Variants in TRIM9 observed in about 807,000 individuals in gnomAD.
TRIM9 encodes E3 ubiquitin-protein ligase TRIM9.
In TRIM9, 26 loss-of-function variants were observed where a neutral mutation model predicts 78.3. That is an observed-to-expected ratio of 0.33 (90% CI 0.24 to 0.46). TRIM9 has a LOEUF of 0.46. Ranked by LOEUF, TRIM9 falls within the 20% of genes least tolerant of loss-of-function variation. TRIM9 has a pLI of 1.00. For synonymous variants in TRIM9, 398 were observed against 416.5 expected, an observed-to-expected ratio of 0.96 and a Z score of 0.54; for missense variants, 787 against 1,036.4, an observed-to-expected ratio of 0.76 and a Z score of 3.30.
intron 1 of TRIM9, among the ~76,000 whole-genome samples, chr14:51,065,886 A>G (rs2061689070): frequency 6.6e-6 from 1 of 152,038 alleles, no homozygotes; most frequent in Non-Finnish European, 1.5e-5. Flanking sequence ...TACACAACTG[A>G]AATGATTCAA....
At chr14:51,036,170 T>A (rs1224974419) in intron 1 of TRIM9, among the ~76,000 whole-genome samples, 1 of 152,208 alleles carries the variant, frequency 6.6e-6, no homozygotes, top group Non-Finnish European at 1.5e-5. Context: ...AAACCTGCCA[T>A]GTTGATGAGC....
chr14:51,036,664 G>T (rs1342774395), intron 1 of TRIM9, among the ~76,000 whole-genome samples: 1 of 152,112 alleles, frequency 6.6e-6, no homozygotes, highest in Non-Finnish European at 1.5e-5. Context: ...ATCAGTACAG[G>T]CTCAATTATT....
chr14:51,003,428 C>T (rs1433951705), intron 5 of TRIM9, among the ~76,000 whole-genome samples: 1 of 152,094 alleles, frequency 6.6e-6, no homozygotes, highest in African/African-American at 2.4e-5. Flanking sequence ...GGTAAGTCTA[C>T]ATTTCATCAA....
At chr14:50,984,047 G>A (rs1350836980) in intron 8 of TRIM9, among the ~76,000 whole-genome samples, 1 of 152,144 alleles carries the variant, frequency 6.6e-6, no homozygotes, top group Non-Finnish European at 1.5e-5. Context: ...AGATACATTG[G>A]AATCCCCTGT....
At chr14:50,985,867 G>T in intron 8 of TRIM9, 89 bp downstream of exon 8, 1 of 1,184,736 alleles carries the variant, frequency 8.4e-7, no homozygotes, top group Non-Finnish European at 1.1e-6. Flanking sequence ...CCCTCACCAC[G>T]CACATGAATG....
At chr14:50,989,264 G>A (rs967359685) in intron 7 of TRIM9, among the ~76,000 whole-genome samples, 25 of 152,144 alleles carry the variant, frequency 1.6e-4, no homozygotes, top group African/African-American at 6.0e-4. Flanking sequence ...GCCACTCCCT[G>A]GTTTAGCCGA....
Position 50,975,432 on chromosome 14 carries a change from A to G in TRIM9, c.*1859T>C, listed in dbSNP as rs1208710960. 6.5e-6 allele frequency: 1 copy of G among 152,680 alleles called. No individual in the cohort carries two copies. Among genetic ancestry groups the G allele is most frequent in the Non-Finnish European group, 1.5e-5 (1 of 68,044 alleles). The allele number at this position is 152,680 out of a possible 1,614,324, so 9.5% of individuals were successfully genotyped here. A position where few individuals can be genotyped will look rare whatever the true frequency, so the allele number is the denominator to read the frequency against. ...AAAGAACAAGAGGAACTATGAGTCT[A>G]CCACGGCCCAGCCATTGAGTCTCAT... On this transcript the variant is annotated 3_prime_UTR_variant, in exon 13 of 13. Transcript: ENST00000684578.
intron 1 of TRIM9, among the ~76,000 whole-genome samples, chr14:51,069,904 ACTT>A (rs2062067479): frequency 6.6e-6 from 1 of 152,236 alleles, no homozygotes; most frequent in South Asian, 2.1e-4. Context: ...AAATTTGCAA[ACTT>A]GCTAAAATTT....
At chr14:51,031,366 G>C (rs1477772144) in intron 1 of TRIM9, among the ~76,000 whole-genome samples, 1 of 151,994 alleles carries the variant, frequency 6.6e-6, no homozygotes, top group Non-Finnish European at 1.5e-5. Flanking sequence ...AAAATTCAAG[G>C]CTGCCAAAAG....
In TRIM9 at chr14:50,975,367, T is replaced by G. The variant is rs2051018908; in HGVS notation, c.*1924A>C. 2 of 152,688 alleles carry G rather than the reference T, an allele frequency of 1.3e-5. No individual in the cohort carries two copies. The highest frequency in any genetic ancestry group is 2.9e-5 in the Non-Finnish European group (2 of 68,042). The allele number at this position is 152,688 out of a possible 1,614,324, so 9.5% of individuals were successfully genotyped here. On this transcript the variant is annotated 3_prime_UTR_variant, in exon 13 of 13. Transcript: ENST00000684578. ...TTGCAATTCAGTGTAAACTACATGTTACAAGTCACTAGAAATCTAATTAGC... is the reference window on the plus strand; with the variant it reads ...TTGCAATTCAGTGTAAACTACATGTGACAAGTCACTAGAAATCTAATTAGC...
rs17123369 is a variant in TRIM9, at chr14:50,995,952, G to A, written c.1603+2098C>T. On this transcript the variant is annotated intron_variant, in intron 7 of 12. Coordinates refer to ENST00000684578, the MANE Select transcript of TRIM9 (RefSeq NM_001387360.1). ...TAGGCTTTGTCTATTGTTACAGATC[G>A]ATCATATCTTTTTTTTTAAAATAAG... is the stretch of plus-strand genomic sequence containing the variant. 3.3e-4 allele frequency: 90 copies of A among 275,358 alleles called. 1 individual carries two copies. The East Asian group carries it at 0.012, about 37-fold the overall frequency. The allele number at this position is 275,358 out of a possible 1,614,324, so 17.1% of individuals were successfully genotyped here.
At chr14:50,980,195 C>T (rs937149043) in intron 11 of TRIM9, among the ~76,000 whole-genome samples, 1 of 152,142 alleles carries the variant, frequency 6.6e-6, no homozygotes, top group Non-Finnish European at 1.5e-5. Flanking sequence ...TGTGAAATGA[C>T]AGCACTGAAG....
At chr14:51,037,095 C>T (rs1234595385) in intron 1 of TRIM9, among the ~76,000 whole-genome samples, 2 of 152,084 alleles carry the variant, frequency 1.3e-5, no homozygotes, top group African/African-American at 4.8e-5. Context: ...ATGATTAAGT[C>T]AAAATTAAGT....
At chr14:51,015,590 C>T (rs1486452586) in intron 3 of TRIM9, among the ~76,000 whole-genome samples, 1 of 140,338 alleles carries the variant, frequency 7.1e-6, no homozygotes, top group Non-Finnish European at 1.5e-5. Context: ...CACAGTTTAC[C>T]ACAGCCTCAA....
At chr14:50,980,147 T>G (rs1218643946) in intron 11 of TRIM9, among the ~76,000 whole-genome samples, 1 of 152,226 alleles carries the variant, frequency 6.6e-6, no homozygotes, top group Non-Finnish European at 1.5e-5. Context: ...AGCAGTTTTT[T>G]GGCTTGTTGC....
intron 1 of TRIM9, among the ~76,000 whole-genome samples, chr14:51,063,355 C>T (rs74054021): frequency 0.025 from 3,795 of 152,066 alleles, 162 homozygotes; most frequent in African/African-American, 0.088. Context: ...CAAGAAATAA[C>T]TAATCAGCCT....
intron 5 of TRIM9, among the ~76,000 whole-genome samples, chr14:51,008,349 G>A (rs1349104589): frequency 2.0e-5 from 3 of 152,180 alleles, no homozygotes; most frequent in Non-Finnish European, 4.4e-5. Context: ...CTGGGTAAAA[G>A]ATGAACAAAA....
At chr14:51,059,065 TGCCAG>T (rs1279326850) in intron 1 of TRIM9, among the ~76,000 whole-genome samples, 1 of 152,228 alleles carries the variant, frequency 6.6e-6, no homozygotes, top group Non-Finnish European at 1.5e-5. Context: ...AGGCTTAGTC[TGCCAG>T]GCCTATGACC....
chr14:50,996,707 C>G, intron 7 of TRIM9: 2 of 985,428 alleles, frequency 2.0e-6, no homozygotes, highest in African/African-American at 3.5e-5. Context: ...AAAGAGGCAA[C>G]TGCTCTCAAA....
Sources: gnomAD v4.1 joint callset for allele counts (sites outside exome capture counted in the v4.1 genomes callset) on GRCh38, gnomAD v4.1.1 for gene constraint, MANE v1.5 for transcripts, NCBI Gene and HGNC (gene_info 2026-07-23, HGNC 2026-07-21) for gene names.